Variants in PIK3R5 observed in about 807,000 individuals in gnomAD.
PIK3R5 encodes the protein phosphoinositide-3-kinase regulatory subunit 5.
In PIK3R5, 32 loss-of-function variants were observed where a neutral mutation model predicts 94.9. The ratio of observed to expected loss-of-function variants is 0.34; its 90% confidence interval spans 0.25 to 0.45. PIK3R5 has a LOEUF of 0.45. Among genes scored for constraint, PIK3R5 ranks in the 20% least tolerant of loss-of-function variants. The probability of loss-of-function intolerance (pLI) is 1.00; values close to 1 mark genes in which losing one functional copy is unlikely to be tolerated. For missense variants in PIK3R5, 853 were observed against 1,144.6 expected (o/e 0.75, Z 3.68); for synonymous variants, 443 against 479.4 (o/e 0.92, Z 0.99).
At chr17:8,930,987 T>C (rs986159899) in intron 1 of PIK3R5, among the ~76,000 whole-genome samples, 11 of 152,210 alleles carry the variant, frequency 7.2e-5, no homozygotes, top group African/African-American at 2.2e-4. Context: ...GGTTGTGATA[T>C]TGTCGTATTT....
intron 1 of PIK3R5, among the ~76,000 whole-genome samples, chr17:8,913,294 C>T (rs1406718993): frequency 2.0e-5 from 3 of 152,320 alleles, no homozygotes; most frequent in African/African-American, 7.2e-5. Context: ...CAGGAATTAG[C>T]TTGCTGAGAA....
chr17:8,902,537 C>T (rs2090310107), intron 5 of PIK3R5, among the ~76,000 whole-genome samples: 1 of 152,092 alleles, frequency 6.6e-6, no homozygotes, highest in South Asian at 2.1e-4. Flanking sequence ...CAGGTCTGAG[C>T]CACAGCACTT....
At chr17:8,931,619 T>G (rs184830773) in intron 1 of PIK3R5, among the ~76,000 whole-genome samples, 1 of 152,244 alleles carries the variant, frequency 6.6e-6, no homozygotes, top group Non-Finnish European at 1.5e-5. Flanking sequence ...ATGGCTGGAC[T>G]GTGTGGGGCA....
chr17:8,954,282 T>A (rs1262214843), intron 1 of PIK3R5, among the ~76,000 whole-genome samples: 1 of 152,206 alleles, frequency 6.6e-6, no homozygotes. Flanking sequence ...AATACTTTAA[T>A]TTGCTCCCAA....
At chr17:8,952,694 G>A (rs1216678603) in intron 1 of PIK3R5, among the ~76,000 whole-genome samples, 1 of 152,110 alleles carries the variant, frequency 6.6e-6, no homozygotes. Flanking sequence ...TAAATTATGG[G>A]CATTATTACA....
chr17:8,955,007 G>A lies in PIK3R5; in HGVS notation c.-14+10589C>T, dbSNP rs1421330228. On this transcript the variant is annotated intron_variant, in intron 1 of 18. Coordinates refer to ENST00000447110, the MANE Select transcript of PIK3R5 (RefSeq NM_001142633.3). This position sits in a 1 kb window ranked among gnomAD's most constrained non-coding sequence, Gnocchi z 4.4. ...CACCTGGAGTTTGCATCTGGAGTTT[G>A]CCAGAGGCTCAGGGGTCTGAAGCAG... Among the ~76,000 whole-genome samples the A allele has an allele frequency of 2.6e-5, 4 of 151,454 alleles. No individual in the cohort carries two copies. Among genetic ancestry groups the A allele is most frequent in the South Asian group, 2.1e-4 (1 of 4,822 alleles).
In PIK3R5 at chr17:8,884,931, C is replaced by T; in HGVS notation, c.2129-148G>A. 1.5e-6 allele frequency: 1 copy of T among 649,342 alleles called. No homozygotes were observed. Among genetic ancestry groups the T allele is most frequent in the Non-Finnish European group, 2.7e-6 (1 of 363,670 alleles). 40.2% of individuals were successfully genotyped at this position (649,342 alleles called of 1,614,324 possible). ...GGGATCTGTCTCACCAAGGCCCTGC[C>T]TCTCTCTCTGGCTCCACGTTCTGGG... On this transcript the variant is annotated intron_variant, in intron 14 of 18. Coordinates refer to ENST00000447110, the MANE Select transcript of PIK3R5 (RefSeq NM_001142633.3). This position sits in a 1 kb window ranked among gnomAD's most constrained non-coding sequence, Gnocchi z 5.8.
chr17:8,929,955 C>T (rs182774948), intron 1 of PIK3R5, among the ~76,000 whole-genome samples: 1 of 152,090 alleles, frequency 6.6e-6, no homozygotes, highest in African/African-American at 2.4e-5. Context: ...ACCCCAAAAG[C>T]GATCGAATTT....
At chr17:8,957,480 T>C (rs1218782484) in intron 1 of PIK3R5, among the ~76,000 whole-genome samples, 2 of 152,244 alleles carry the variant, frequency 1.3e-5, no homozygotes, top group Admixed American at 6.5e-5. Context: ...TCTTCTCTTC[T>C]TGGAGAAAAA....
rs202081979 is a variant in PIK3R5, at chr17:8,880,739, G to A, written c.2543C>T (p.Ser848Leu). The stretch of plus-strand genomic sequence containing the variant: ...CAGGTCAGGAGGCGTCTGGGGTGGT[G>A]AGGAGAGGTCGCTCTTCTCTGGCTT... ...CYKPEKSDLS[S>L]PPQTPPDLPA... The change falls in exon 19 of 19, where the codon TCA becomes TTA. Residue 848 changes from serine to leucine, a missense_variant. By Grantham distance (145) the Ser-to-Leu change is moderately radical (BLOSUM62 -2). This residue lies in a region of PIK3R5 where 91 missense variants were observed against 90.5 expected (regional missense o/e 1.01). Transcript: ENST00000447110. The A allele has an allele frequency of 2.4e-5, 39 of 1,613,938 alleles. No homozygotes were observed. The Admixed American group carries it at 6.0e-4, about 25-fold the overall frequency.
chr17:8,886,629 C>A, intron 12 of PIK3R5, 24 bp from the exon 13 acceptor site: 2 of 1,555,442 alleles, frequency 1.3e-6, no homozygotes, highest in Non-Finnish European at 1.7e-6. Flanking sequence ...GAAGGGGCAG[C>A]CAAGCCAGAT....
Position 8,890,655 on chromosome 17 carries a change from GA to G in PIK3R5, c.657+82del, listed in dbSNP as rs1219880857. 2 of 1,234,398 alleles carry G rather than the reference GA, an allele frequency of 1.6e-6. No individual in the cohort carries two copies. Among genetic ancestry groups the G allele is most frequent in the African/African-American group, 1.5e-5 (1 of 66,702 alleles). 76.5% of individuals were successfully genotyped at this position (1,234,398 alleles called of 1,614,324 possible). ...TGCAGGAGACTAAGTGTACCCTGGAGACCGTGGCTGAGATGAAGCAGGGAGA... is the reference window on the plus strand; with the variant it reads ...TGCAGGAGACTAAGTGTACCCTGGAGCCGTGGCTGAGATGAAGCAGGGAGA... On this transcript the variant is annotated intron_variant, in intron 7 of 18. Transcript: ENST00000447110. This position sits in a 1 kb window ranked among gnomAD's most constrained non-coding sequence, Gnocchi z 6.1.
chr17:8,913,649 T>A (rs1298206483), intron 1 of PIK3R5, among the ~76,000 whole-genome samples: 2 of 151,770 alleles, frequency 1.3e-5, no homozygotes, highest in Non-Finnish European at 2.9e-5. Context: ...GAGGCGGAGG[T>A]TGCAGTAAGT....
At position 8,884,584 on chromosome 17, in the gene PIK3R5, G is replaced by T; in HGVS notation, c.2205+123C>A. On this transcript the variant is annotated intron_variant, in intron 15 of 18. Transcript: ENST00000447110. This position sits in a 1 kb window ranked among gnomAD's most constrained non-coding sequence, Gnocchi z 5.8. ...CTCTCAGCATCCAGGGGAGCCTGCT[G>T]CAGCCTTCCAGCGTAAAGACTGGGG... The T allele has an allele frequency of 1.4e-6, 1 of 724,460 alleles. No individual in the cohort carries two copies. The highest frequency in any genetic ancestry group is 2.4e-6 in the Non-Finnish European group (1 of 414,788). The allele number at this position is 724,460 out of a possible 1,614,324, so 44.9% of individuals were successfully genotyped here.
At chr17:8,941,359 A>C (rs880953) in intron 1 of PIK3R5, among the ~76,000 whole-genome samples, 98,995 of 151,718 alleles carry the variant, frequency 0.65, 32,959 homozygotes, top group Non-Finnish European at 0.73. Context: ...AGGCAGCAGA[A>C]GACAAGAAGG....
chr17:8,923,901 C>T (rs890615291), intron 1 of PIK3R5, among the ~76,000 whole-genome samples: 17 of 137,822 alleles, frequency 1.2e-4, no homozygotes, highest in African/African-American at 4.6e-4. Context: ...CCTCCCCTCC[C>T]CTCCCCTTCC....
In PIK3R5 at chr17:8,884,530, G is replaced by C. The variant is rs436193; in HGVS notation, c.2205+177C>G. Among the ~76,000 whole-genome samples the C allele has an allele frequency of 0.19, 28,923 of 152,046 alleles. 3,806 individuals carry two copies. The highest frequency in any genetic ancestry group is 0.37 in the African/African-American group (15,366 of 41,420). On this transcript the variant is annotated intron_variant, in intron 15 of 18. Coordinates refer to ENST00000447110, the MANE Select transcript of PIK3R5 (RefSeq NM_001142633.3). The surrounding 1 kb of genome is among the most constrained non-coding windows in gnomAD (Gnocchi z 5.8). The stretch of plus-strand genomic sequence containing the variant: ...GAGGCTTTGGAGGCCAAGAAGCACA[G>C]AGATATCCACTCCTTCCCTTCTCTG...
Position 8,888,571 on chromosome 17 carries a change from G to C in PIK3R5, c.1216C>G (p.Arg406Gly), listed in dbSNP as rs772367222. The change falls in exon 10 of 19, where the codon CGT becomes GGT. Residue 406 changes from arginine to glycine, a missense_variant. This residue lies in a region of PIK3R5 where 319 missense variants were observed against 339.8 expected (regional missense o/e 0.94). Coordinates refer to ENST00000447110, the MANE Select transcript of PIK3R5 (RefSeq NM_001142633.3). The surrounding 1 kb of genome is among the most constrained non-coding windows in gnomAD (Gnocchi z 7.8). Reference sequence around the variant, plus strand: ...TGGCCTCGGCGTTCCTGGCTGCCACGCCTCCAAGGCCACTCGGAGGAGCTC... The same window carrying C: ...TGGCCTCGGCGTTCCTGGCTGCCACCCCTCCAAGGCCACTCGGAGGAGCTC... ...EESSSEWPWR[R>G]GSQERRGHRR... is the part of the protein sequence containing the mutation. 1.7e-5 allele frequency: 27 copies of C among 1,611,812 alleles called. No individual in the cohort carries two copies. The African/African-American group carries it at 2.8e-4, about 17-fold the overall frequency.
At chr17:8,944,460 A>G (rs2091240181) in intron 1 of PIK3R5, among the ~76,000 whole-genome samples, 1 of 152,242 alleles carries the variant, frequency 6.6e-6, no homozygotes, top group Admixed American at 6.5e-5. Context: ...CTTGCTGAGC[A>G]TCTGTTGTGT....
Sources: allele counts gnomAD v4.1 joint callset (sites outside exome capture counted in the v4.1 genomes callset), GRCh38; gene constraint gnomAD v4.1.1; regional missense constraint gnomAD v4.1.1; non-coding constraint Gnocchi (gnomAD v3.1); transcripts MANE v1.5; gene names NCBI Gene and HGNC (gene_info 2026-07-23, HGNC 2026-07-21).